Variants in PDZD2 observed in about 807,000 individuals in gnomAD.
PDZD2 encodes PDZ domain-containing protein 2.
Under a neutral mutation model 220.7 loss-of-function variants are expected in PDZD2, and 90 were observed. The observed-to-expected ratio is 0.41, with a 90% CI of 0.34 to 0.49. The LOEUF is 0.49. Ranked by LOEUF, PDZD2 falls within the 20% of genes least tolerant of loss-of-function variation. The probability of loss-of-function intolerance (pLI) is 0.28; values close to 1 mark genes in which losing one functional copy is unlikely to be tolerated. For synonymous variants in PDZD2, 1,375 were observed against 1,450.5 expected, an observed-to-expected ratio of 0.95 and a Z score of 1.18; for missense variants, 3,174 against 3,608.5, an observed-to-expected ratio of 0.88 and a Z score of 3.08.
intron 5 of PDZD2, among the ~76,000 whole-genome samples, chr5:32,004,989 A>G (rs905877986): frequency 3.9e-5 from 6 of 152,178 alleles, no homozygotes; most frequent in African/African-American, 1.2e-4. Context: ...CCATTTTACA[A>G]TTAGGCACTA....
intron 16 of PDZD2, 135 bp downstream of exon 16, chr5:32,071,553 G>A (rs562704688): frequency 2.1e-5 from 15 of 716,032 alleles, no homozygotes; most frequent in Middle Eastern, 2.5e-4. Flanking sequence ...ACAGGAAATC[G>A]CAACAATGCT....
chr5:32,077,658 A>G (rs953536902), intron 19 of PDZD2, 52 bp downstream of exon 19: 1 of 1,584,296 alleles, frequency 6.3e-7, no homozygotes, highest in Non-Finnish European at 8.6e-7. Context: ...GAGATACCCT[A>G]ATGAAAGCAT....
At chr5:31,937,765 C>G (rs2150399155) in intron 2 of PDZD2, among the ~76,000 whole-genome samples, 1 of 152,320 alleles carries the variant, frequency 6.6e-6, no homozygotes, top group African/African-American at 2.4e-5. Flanking sequence ...TACTGTTCAC[C>G]TGTTGTGTGT....
chr5:31,723,782 T>G (rs990522195), intron 1 of PDZD2, among the ~76,000 whole-genome samples: 1 of 152,024 alleles, frequency 6.6e-6, no homozygotes, highest in Non-Finnish European at 1.5e-5. Context: ...CACGCCTGGC[T>G]AATTTTTGTA....
At chr5:31,881,857 C>T (rs1370331375) in intron 2 of PDZD2, among the ~76,000 whole-genome samples, 3 of 151,378 alleles carry the variant, frequency 2.0e-5, no homozygotes, top group Non-Finnish European at 4.4e-5. Context: ...TGGGACTACA[C>T]GCATGCATCA....
At chr5:31,752,834 G>T (rs1751089032) in intron 1 of PDZD2, among the ~76,000 whole-genome samples, 1 of 152,002 alleles carries the variant, frequency 6.6e-6, no homozygotes, top group African/African-American at 2.4e-5. Context: ...AGATGTGGTT[G>T]CTTCCTCCTC....
intron 1 of PDZD2, among the ~76,000 whole-genome samples, chr5:31,762,218 G>A (rs1301223611): frequency 6.6e-6 from 1 of 152,214 alleles, no homozygotes; most frequent in African/African-American, 2.4e-5. Context: ...CATATCATCA[G>A]TTTACCTTCC....
chr5:32,023,525 A>G (rs1754392562), intron 6 of PDZD2, among the ~76,000 whole-genome samples: 1 of 152,280 alleles, frequency 6.6e-6, no homozygotes. Context: ...TTTTAAACAG[A>G]GAATCCTTCT....
chr5:31,712,205 A>G (rs914809331), intron 1 of PDZD2: 19 of 152,282 alleles, frequency 1.2e-4, no homozygotes, highest in African/African-American at 4.6e-4. Context: ...CTGTTGCTGC[A>G]GTAGAACCCA....
At chr5:31,987,272 G>A (rs1581219757) in intron 3 of PDZD2, among the ~76,000 whole-genome samples, 1 of 152,304 alleles carries the variant, frequency 6.6e-6, no homozygotes, top group Admixed American at 6.5e-5. Context: ...ACTGGCATGG[G>A]TATGTCTATG....
intron 19 of PDZD2, among the ~76,000 whole-genome samples, chr5:32,078,984 G>A (rs550869100): frequency 2.6e-4 from 40 of 151,832 alleles, no homozygotes; most frequent in African/African-American, 9.2e-4. Context: ...GGTGGGGCGC[G>A]GTGGCTCATC....
chr5:32,051,364 G>T (rs1187382279), intron 8 of PDZD2, among the ~76,000 whole-genome samples: 1 of 152,082 alleles, frequency 6.6e-6, no homozygotes, highest in African/African-American at 2.4e-5. Context: ...CCGCAAAAAA[G>T]AAATAATAAT....
chr5:31,778,203 G>A (rs1281401284), intron 1 of PDZD2, among the ~76,000 whole-genome samples: 2 of 152,176 alleles, frequency 1.3e-5, no homozygotes, highest in African/African-American at 4.8e-5. Flanking sequence ...ACACCAGTGA[G>A]CACCCTGTCA....
At chr5:31,733,009 G>A (rs1476511103) in intron 1 of PDZD2, among the ~76,000 whole-genome samples, 5 of 152,182 alleles carry the variant, frequency 3.3e-5, no homozygotes, top group African/African-American at 1.2e-4. Context: ...GATTATAGGC[G>A]TGAGCCACCG....
intron 19 of PDZD2, among the ~76,000 whole-genome samples, chr5:32,085,912 C>A (rs759297245): frequency 6.6e-6 from 1 of 151,634 alleles, no homozygotes; most frequent in South Asian, 2.1e-4. Flanking sequence ...GGAATTGTAC[C>A]GAATCTATAG....
intron 2 of PDZD2, among the ~76,000 whole-genome samples, chr5:31,810,242 T>A (rs1755012502): frequency 9.4e-6 from 1 of 106,532 alleles, no homozygotes; most frequent in South Asian, 2.9e-4. Context: ...TCAAAATGAC[T>A]TTTTCTTTTC....
intron 6 of PDZD2, among the ~76,000 whole-genome samples, chr5:32,016,847 C>G (rs1182568314): frequency 6.6e-6 from 1 of 152,198 alleles, no homozygotes; most frequent in Admixed American, 6.5e-5. Flanking sequence ...CCTATGTTGT[C>G]TTCCCTGGCC....
chr5:31,854,839 C>T (rs1014221776), intron 2 of PDZD2: 7 of 282,418 alleles, frequency 2.5e-5, no homozygotes, highest in Non-Finnish European at 3.7e-5. Flanking sequence ...GACAAGTGAG[C>T]AGGGGAGTGG....
intron 6 of PDZD2, among the ~76,000 whole-genome samples, chr5:32,017,046 G>T (rs901800271): frequency 1.3e-5 from 2 of 152,184 alleles, no homozygotes; most frequent in Non-Finnish European, 2.9e-5. Flanking sequence ...ATGGGGGATG[G>T]TTGGTGTACC....
Sources: allele counts gnomAD v4.1 joint callset (sites outside exome capture counted in the v4.1 genomes callset), GRCh38; gene constraint gnomAD v4.1.1; transcripts MANE v1.5; gene names NCBI Gene and HGNC (gene_info 2026-07-23, HGNC 2026-07-21).